CNTNAP5: variants seen among roughly 807,000 people sequenced by gnomAD.
The protein encoded by CNTNAP5 is contactin-associated protein-like 5.
CNTNAP5 carries 72 observed loss-of-function variants against 150.2 expected under a neutral mutation model. The ratio of observed to expected loss-of-function variants is 0.48; its 90% CI spans 0.40 to 0.58. CNTNAP5 has a LOEUF of 0.58. CNTNAP5 is among the 20% of genes least tolerant of loss of function. The probability of loss-of-function intolerance (pLI) is 0.00; values close to 1 mark genes in which losing one functional copy is unlikely to be tolerated. For synonymous variants in CNTNAP5, 672 were observed against 619.8 expected (o/e 1.08, Z -1.25); for missense variants, 1,636 against 1,626.2 (o/e 1.01, Z -0.10).
At chr2:124,253,885 T>C (rs1415203741) in intron 3 of CNTNAP5, among the ~76,000 whole-genome samples, 3 of 151,970 alleles carry the variant, frequency 2.0e-5, no homozygotes, top group Non-Finnish European at 4.4e-5. Flanking sequence ...TAAGTCACAC[T>C]AGATCAGGAT....
chr2:124,095,914 T>C (rs1196781161), intron 1 of CNTNAP5, among the ~76,000 whole-genome samples: 6 of 152,220 alleles, frequency 3.9e-5, no homozygotes, highest in Non-Finnish European at 5.9e-5. Flanking sequence ...CCCCATTTTC[T>C]AGATGAATAA....
At chr2:124,561,236 A>C (rs1239766333) in intron 10 of CNTNAP5, among the ~76,000 whole-genome samples, 1 of 152,212 alleles carries the variant, frequency 6.6e-6, no homozygotes, top group African/African-American at 2.4e-5. Flanking sequence ...GTATTTCAGA[A>C]GCAGGGAGAT....
At chr2:124,274,494 G>GT (rs57417186) in intron 3 of CNTNAP5, among the ~76,000 whole-genome samples, 44,713 of 151,186 alleles carry the variant, frequency 0.3, 7,144 homozygotes, top group Admixed American at 0.38. Context: ...AGACAATCAG[G>GT]TTTTTTTTTC....
intron 1 of CNTNAP5, among the ~76,000 whole-genome samples, chr2:124,151,305 C>T (rs761425502): frequency 7.2e-5 from 11 of 152,128 alleles, no homozygotes; most frequent in Non-Finnish European, 1.0e-4. Flanking sequence ...GAGAGATGAA[C>T]GCATTGGTCC....
chr2:124,257,000 A>T (rs1442899532), intron 3 of CNTNAP5, among the ~76,000 whole-genome samples: 6 of 152,176 alleles, frequency 3.9e-5, no homozygotes, highest in African/African-American at 1.4e-4. Flanking sequence ...GACACCTAAG[A>T]CAGGTCATTT....
intron 3 of CNTNAP5, among the ~76,000 whole-genome samples, chr2:124,400,244 G>A (rs1691371633): frequency 2.6e-5 from 4 of 152,082 alleles, no homozygotes; most frequent in Admixed American, 1.3e-4. Flanking sequence ...TGTCATCGCA[G>A]GGAGATAGGC....
intron 8 of CNTNAP5, among the ~76,000 whole-genome samples, chr2:124,516,983 C>A (rs2104878132): frequency 1.3e-5 from 2 of 152,266 alleles, no homozygotes; most frequent in Admixed American, 1.3e-4. Context: ...CCATTCCCAC[C>A]AAACTCACCT....
At chr2:124,327,661 T>C (rs555539530) in intron 3 of CNTNAP5, among the ~76,000 whole-genome samples, 3 of 152,340 alleles carry the variant, frequency 2.0e-5, no homozygotes, top group African/African-American at 4.8e-5. Context: ...CTATTGATGA[T>C]AACTCTTTCA....
At chr2:124,480,395 A>G (rs1693736212) in intron 7 of CNTNAP5, among the ~76,000 whole-genome samples, 2 of 152,192 alleles carry the variant, frequency 1.3e-5, no homozygotes, top group African/African-American at 4.8e-5. Flanking sequence ...CTGTCATGCA[A>G]CTTATTGGAG....
At chr2:124,617,826 G>T (rs184309120) in intron 12 of CNTNAP5, among the ~76,000 whole-genome samples, 103 of 152,256 alleles carry the variant, frequency 6.8e-4, no homozygotes, top group African/African-American at 2.4e-3. Flanking sequence ...CTTGTTGGGA[G>T]CTCACAGGAG....
chr2:124,493,325 A>G (rs1016975298), intron 7 of CNTNAP5, among the ~76,000 whole-genome samples: 7 of 151,010 alleles, frequency 4.6e-5, no homozygotes, highest in Admixed American at 4.6e-4. Flanking sequence ...AATTAAAAAT[A>G]TTTAATTATT....
chr2:124,169,534 T>C (rs1684884255), intron 1 of CNTNAP5, among the ~76,000 whole-genome samples: 1 of 152,180 alleles, frequency 6.6e-6, no homozygotes, highest in South Asian at 2.1e-4. Flanking sequence ...TTTCAAGGAA[T>C]GCTGGACAAA....
chr2:124,189,786 G>A (rs17011058), intron 1 of CNTNAP5, among the ~76,000 whole-genome samples: 32,603 of 152,050 alleles, frequency 0.21, 3,744 homozygotes, highest in African/African-American at 0.27. Context: ...GGGCTTCCAG[G>A]TTGGTATTCT....
chr2:124,722,889 C>T (rs1423930186), intron 13 of CNTNAP5, among the ~76,000 whole-genome samples: 1 of 152,178 alleles, frequency 6.6e-6, no homozygotes, highest in African/African-American at 2.4e-5. Context: ...AGAAGTCTGA[C>T]AGTCTTCCTT....
At chr2:124,445,194 A>G (rs988203543) in intron 5 of CNTNAP5, among the ~76,000 whole-genome samples, 7 of 151,090 alleles carry the variant, frequency 4.6e-5, no homozygotes, top group South Asian at 2.1e-4. Context: ...GGTTCAAGCA[A>G]TTCTCCTGCC....
chr2:124,566,560 T>G (rs1301502416), intron 11 of CNTNAP5, among the ~76,000 whole-genome samples: 4 of 152,192 alleles, frequency 2.6e-5, no homozygotes, highest in Non-Finnish European at 4.4e-5. Flanking sequence ...CCTTCCTATT[T>G]CCTTTTCTGT....
At chr2:124,221,590 G>T in intron 1 of CNTNAP5, 115 bp from the exon 2 acceptor site, 1 of 702,286 alleles carries the variant, frequency 1.4e-6, no homozygotes, top group Non-Finnish European at 2.5e-6. Context: ...ACCTGACCTT[G>T]TTCAGAGCAG....
At chr2:124,106,805 G>A (rs1683181370) in intron 1 of CNTNAP5, among the ~76,000 whole-genome samples, 1 of 152,204 alleles carries the variant, frequency 6.6e-6, no homozygotes, top group Non-Finnish European at 1.5e-5. Context: ...GAGGCTTGGG[G>A]CTGGCACTTG....
intron 1 of CNTNAP5, among the ~76,000 whole-genome samples, chr2:124,034,148 A>G (rs954990645): frequency 1.3e-5 from 2 of 152,202 alleles, no homozygotes; most frequent in African/African-American, 4.8e-5. Flanking sequence ...TATGTCACAC[A>G]GTTTGGGATT....
Sources: gnomAD v4.1 joint callset for allele counts (sites outside exome capture counted in the v4.1 genomes callset) on GRCh38, gnomAD v4.1.1 for gene constraint, MANE v1.5 for transcripts, NCBI Gene and HGNC (gene_info 2026-07-23, HGNC 2026-07-21) for gene names.